Variants in LUC7L observed in about 807,000 individuals in gnomAD.
LUC7L encodes the protein LUC7 like.
In LUC7L, 29 loss-of-function variants were observed where a neutral mutation model predicts 51.1. The observed-to-expected ratio is 0.57, with a 90% CI of 0.42 to 0.77. The LOEUF is 0.77. Ranked by LOEUF, LUC7L falls within the 30% of genes least tolerant of loss-of-function variation. The pLI is 0.00. For synonymous variants in LUC7L, 181 were observed against 180.7 expected (o/e 1.00, Z -0.01); for missense variants, 403 against 511.9 (o/e 0.79, Z 2.05).
At chr16:213,438 C>T (rs2049700566) in intron 3 of LUC7L, among the ~76,000 whole-genome samples, 1 of 152,036 alleles carries the variant, frequency 6.6e-6, no homozygotes, top group African/African-American at 2.4e-5. Context: ...GTCATCTTGT[C>T]ACCCAGGCTG....
chr16:204,368 G>A (rs549674090), intron 5 of LUC7L, among the ~76,000 whole-genome samples: 40 of 152,066 alleles, frequency 2.6e-4, no homozygotes, highest in African/African-American at 9.4e-4. Context: ...AGACCGAGGC[G>A]GGTGGACCAC....
chr16:220,521 T>C (rs906437769), intron 3 of LUC7L, 128 bp downstream of exon 3: 6 of 713,412 alleles, frequency 8.4e-6, no homozygotes, highest in Non-Finnish European at 1.5e-5. Flanking sequence ...AGCTCTGAGC[T>C]TGAGTGGCAG....
At chr16:189,751 G>C in intron 9 of LUC7L, 2 of 1,391,176 alleles carry the variant, frequency 1.4e-6, no homozygotes, top group Non-Finnish European at 1.9e-6. Flanking sequence ...ACGCAGGCAG[G>C]GGACAGTGCC....
intron 2 of LUC7L, among the ~76,000 whole-genome samples, chr16:222,965 AAAAAAG>A (rs1444630946): frequency 6.6e-6 from 1 of 151,470 alleles, no homozygotes; most frequent in African/African-American, 2.4e-5. Flanking sequence ...AAAAAAAAAA[AAAAAAG>A]AAAGGAAGGC....
chr16:224,811 A>G (rs2050082059), intron 2 of LUC7L, among the ~76,000 whole-genome samples: 1 of 152,118 alleles, frequency 6.6e-6, no homozygotes, highest in African/African-American at 2.4e-5. Flanking sequence ...CAGCCTAGGC[A>G]ACAGAGTGAG....
Position 228,278 on chromosome 16 carries a change from G to GA in LUC7L, c.62-943dup, listed in dbSNP as rs773784591. On this transcript the variant is annotated intron_variant, in intron 1 of 9. Coordinates refer to ENST00000293872, the MANE Select transcript of LUC7L (RefSeq NM_201412.3). ...AAACTACACTTTTAAAGTTACTTGTGAAAAAAAGCAAACACTTTTTTGTTA... is the reference window on the plus strand; with the variant it reads ...AAACTACACTTTTAAAGTTACTTGTGAAAAAAAAGCAAACACTTTTTTGTTA... 1.0e-4 allele frequency: 135 copies of GA among 1,301,438 alleles called. No homozygotes were observed. The African/African-American group carries it at 2.0e-3, about 19-fold the overall frequency. 80.6% of individuals were successfully genotyped at this position (1,301,438 alleles called of 1,614,324 possible).
At position 189,153 on chromosome 16, in the gene LUC7L, T is replaced by C. The variant is rs761060488; in HGVS notation, c.*45A>G. 44 of 1,552,870 alleles carry C rather than the reference T, an allele frequency of 2.8e-5. No homozygotes were observed. Among genetic ancestry groups the C allele is most frequent in the South Asian group, 4.6e-5 (4 of 86,480 alleles). ...GCAAATATAAAGGGTAATTTTAGAC[T>C]GTGTGAACGTTTATCAGACTATTTA... On this transcript the variant is annotated 3_prime_UTR_variant, in exon 10 of 10. Coordinates refer to ENST00000293872, the MANE Select transcript of LUC7L (RefSeq NM_201412.3).
Position 203,677 on chromosome 16 carries a change from C to T in LUC7L, c.510+2327G>A, listed in dbSNP as rs1279057974. 2.8e-5 allele frequency among the ~76,000 whole-genome samples: 4 copies of T among 142,366 alleles called. No individual in the cohort carries two copies. The East Asian group carries it at 8.3e-4, about 29-fold the overall frequency. The allele number at this position is 142,366 out of a possible 152,430, so 93.4% of individuals were successfully genotyped here. On this transcript the variant is annotated intron_variant, in intron 5 of 9. Coordinates refer to ENST00000293872, the MANE Select transcript of LUC7L (RefSeq NM_201412.3). ...GAGCCAAGATCGCGCCACTGCACTC[C>T]AGCCTGGGTGAGAAAGTGAGACCGT...
chr16:222,640 ATTTT>A (rs778095221), intron 2 of LUC7L, among the ~76,000 whole-genome samples: 2 of 142,154 alleles, frequency 1.4e-5, no homozygotes, highest in African/African-American at 5.1e-5. Flanking sequence ...TGTCTTTTTA[ATTTT>A]TTTTTTTTTT....
In LUC7L at chr16:229,311, A is replaced by G; in HGVS notation, c.29T>C (p.Leu10Pro). 1 of 1,533,054 alleles carries G rather than the reference A, an allele frequency of 6.5e-7. No individual in the cohort carries two copies. The allele number at this position is 1,533,054 out of a possible 1,614,324, so 95.0% of individuals were successfully genotyped here. Residue 10 changes from leucine (L) to proline (P), a missense_variant, in exon 1 of 10, where the codon CTG becomes CCG. Coordinates refer to ENST00000293872, the MANE Select transcript of LUC7L (RefSeq NM_201412.3). Reference protein sequence around the residue: MSAQAQMRALLDQLMGTARD... With the variant: MSAQAQMRAPLDQLMGTARD... ...AGCCGTGCCCATGAGCTGGTCCAGC[A>G]GGGCCCGCATCTGCGCCTGGGCGGA...
At chr16:200,221 G>A (rs1285688626) in intron 5 of LUC7L, among the ~76,000 whole-genome samples, 3 of 151,948 alleles carry the variant, frequency 2.0e-5, no homozygotes, top group Admixed American at 6.6e-5. Flanking sequence ...AGGAGATCAC[G>A]ACCATCCTGG....
chr16:205,480 CTG>C (rs1224039912), intron 5 of LUC7L, among the ~76,000 whole-genome samples: 11 of 152,202 alleles, frequency 7.2e-5, no homozygotes, highest in Admixed American at 7.2e-4. Flanking sequence ...GACCCACTGA[CTG>C]TGGGCAGATG....
At position 229,347 on chromosome 16, in the gene LUC7L, G is replaced by A; in HGVS notation, c.-8C>T. On this transcript the variant is annotated 5_prime_UTR_variant, in exon 1 of 10. Transcript: ENST00000293872. ...CTGCGCCTGGGCGGACATGGTAGCC[G>A]GCGGAGGCGACGGGGTCGGCCGCGA... 1 of 1,498,872 alleles carries A rather than the reference G, an allele frequency of 6.7e-7. No individual in the cohort carries two copies. The allele number at this position is 1,498,872 out of a possible 1,614,324, so 92.8% of individuals were successfully genotyped here.
intron 6 of LUC7L, among the ~76,000 whole-genome samples, chr16:198,282 A>T (rs1324508608): frequency 7.4e-6 from 1 of 134,852 alleles, no homozygotes; most frequent in Non-Finnish European, 1.5e-5. Context: ...CCATCTCAAA[A>T]AAAAAAAAAA....
chr16:208,751 T>G (rs1488683255), intron 3 of LUC7L: 4 of 448,918 alleles, frequency 8.9e-6, no homozygotes, highest in Non-Finnish European at 1.2e-5. Context: ...CAGGAAAAAT[T>G]GGTTGCTATT....
chr16:219,093 G>A (rs900348462), intron 3 of LUC7L, among the ~76,000 whole-genome samples: 1 of 151,882 alleles, frequency 6.6e-6, no homozygotes, highest in Non-Finnish European at 1.5e-5. Flanking sequence ...ACAAGAACCT[G>A]TCTCAAAAAT....
chr16:225,163 G>A (rs2050095026), intron 2 of LUC7L, among the ~76,000 whole-genome samples: 1 of 152,030 alleles, frequency 6.6e-6, no homozygotes, highest in African/African-American at 2.4e-5. Context: ...TACTGACCAG[G>A]AAGGGCACCA....
intron 5 of LUC7L, among the ~76,000 whole-genome samples, chr16:205,023 C>T (rs961036708): frequency 1.3e-5 from 2 of 152,134 alleles, no homozygotes; most frequent in African/African-American, 4.8e-5. Flanking sequence ...GAGCTCCACA[C>T]AATGGCAACA....
At chr16:226,455 T>C (rs976392955) in intron 2 of LUC7L, among the ~76,000 whole-genome samples, 2 of 152,218 alleles carry the variant, frequency 1.3e-5, no homozygotes, top group African/African-American at 4.8e-5. Context: ...ATGCACATTA[T>C]ACAAAGCTAG....
Sources: gnomAD v4.1 joint callset for allele counts (sites outside exome capture counted in the v4.1 genomes callset) on GRCh38, gnomAD v4.1.1 for gene constraint, MANE v1.5 for transcripts, NCBI Gene and HGNC (gene_info 2026-07-23, HGNC 2026-07-21) for gene names.